The following USP25 variants were observed in gnomAD, a reference collection of about 807,000 sequenced individuals.
The protein encoded by USP25 is ubiquitin carboxyl-terminal hydrolase 25.
Under a neutral mutation model 158.5 loss-of-function variants are expected in USP25, and 85 were observed. That is an observed-to-expected ratio of 0.54 (90% confidence interval 0.45 to 0.64). USP25 has a LOEUF of 0.64. USP25 is among the 30% of genes least tolerant of loss of function. The probability of loss-of-function intolerance (pLI) is 0.00; values close to 1 mark genes in which losing one functional copy is unlikely to be tolerated. For missense variants in USP25, 1,242 were observed against 1,327.3 expected, an observed-to-expected ratio of 0.94 and a Z score of 1.00; for synonymous variants, 464 against 460.4, an observed-to-expected ratio of 1.01 and a Z score of -0.10.
chr21:15,745,779 T>G (rs2032504735), intron 1 of USP25, among the ~76,000 whole-genome samples: 1 of 152,190 alleles, frequency 6.6e-6, no homozygotes. Flanking sequence ...CCCGGCTGCT[T>G]TAACCATTTT....
chr21:15,737,326 A>G (rs940134759), intron 1 of USP25, among the ~76,000 whole-genome samples: 1 of 152,106 alleles, frequency 6.6e-6, no homozygotes, highest in Non-Finnish European at 1.5e-5. Flanking sequence ...TTGGTTCTGA[A>G]GTACACATAA....
chr21:15,768,140 A>G (rs1010939744), intron 3 of USP25, among the ~76,000 whole-genome samples: 20 of 152,182 alleles, frequency 1.3e-4, no homozygotes, highest in African/African-American at 4.8e-4. Context: ...GAAGTTTCTG[A>G]TGTCATCTCA....
chr21:15,807,109 A>G (rs780972000), intron 7 of USP25, among the ~76,000 whole-genome samples: 42 of 152,078 alleles, frequency 2.8e-4, no homozygotes, highest in Middle Eastern at 3.4e-3. Flanking sequence ...TTTTATTTTT[A>G]TAGAGACAGG....
intron 10 of USP25, among the ~76,000 whole-genome samples, chr21:15,819,280 G>A (rs1358741225): frequency 6.6e-6 from 1 of 152,128 alleles, no homozygotes; most frequent in Non-Finnish European, 1.5e-5. Flanking sequence ...GATTGCATAA[G>A]GTCAGATGGA....
chr21:15,774,707 G>T (rs977680756), intron 3 of USP25, among the ~76,000 whole-genome samples: 10 of 152,084 alleles, frequency 6.6e-5, no homozygotes, highest in Non-Finnish European at 1.3e-4. Flanking sequence ...ATAAATCAAG[G>T]TTTGAGGTTT....
At chr21:15,851,876 C>T (rs781633217) in intron 20 of USP25, among the ~76,000 whole-genome samples, 3 of 152,016 alleles carry the variant, frequency 2.0e-5, no homozygotes, top group Non-Finnish European at 1.5e-5. Context: ...CACCATCATT[C>T]TGGGGATTCC....
intron 4 of USP25, among the ~76,000 whole-genome samples, chr21:15,787,352 G>A (rs747926897): frequency 8.6e-5 from 13 of 151,972 alleles, no homozygotes; most frequent in African/African-American, 3.1e-4. Context: ...ACTTCCAAAT[G>A]TACTGCTAGA....
chr21:15,855,868 A>G (rs1248596556), intron 20 of USP25, among the ~76,000 whole-genome samples: 1 of 152,134 alleles, frequency 6.6e-6, no homozygotes, highest in African/African-American at 2.4e-5. Context: ...TTCTAACAAC[A>G]TACGTTAGTT....
chr21:15,821,545 G>A (rs936497750), intron 10 of USP25, among the ~76,000 whole-genome samples: 2 of 151,880 alleles, frequency 1.3e-5, no homozygotes, highest in Non-Finnish European at 2.9e-5. Flanking sequence ...TTTTTACAAA[G>A]CTTTAAAAAC....
intron 1 of USP25, among the ~76,000 whole-genome samples, chr21:15,759,487 A>G (rs943988896): frequency 6.6e-6 from 1 of 152,210 alleles, no homozygotes; most frequent in Admixed American, 6.5e-5. Flanking sequence ...ACATTGGTTC[A>G]ATCTGGAAGG....
intron 6 of USP25, among the ~76,000 whole-genome samples, chr21:15,800,111 T>C (rs927461385): frequency 1.3e-5 from 2 of 151,330 alleles, no homozygotes; most frequent in African/African-American, 4.8e-5. Flanking sequence ...TTCAGTAAAC[T>C]TTATAGGCTA....
At chr21:15,808,475 C>G (rs915451410) in intron 7 of USP25, among the ~76,000 whole-genome samples, 14 of 151,934 alleles carry the variant, frequency 9.2e-5, no homozygotes, top group African/African-American at 3.4e-4. Flanking sequence ...TATAAAGATT[C>G]ATTACAGAGC....
At chr21:15,757,355 T>G (rs1209589412) in intron 1 of USP25, among the ~76,000 whole-genome samples, 1 of 152,226 alleles carries the variant, frequency 6.6e-6, no homozygotes, top group African/African-American at 2.4e-5. Context: ...CCAGTTCTTT[T>G]CATTGTTTCA....
chr21:15,862,335 T>C (rs1472847558), intron 20 of USP25, among the ~76,000 whole-genome samples: 1 of 152,054 alleles, frequency 6.6e-6, no homozygotes, highest in Non-Finnish European at 1.5e-5. Flanking sequence ...TTTTGGATTT[T>C]TGGATTCGGA....
chr21:15,744,542 G>A (rs920773201), intron 1 of USP25, among the ~76,000 whole-genome samples: 1 of 151,682 alleles, frequency 6.6e-6, no homozygotes, highest in Admixed American at 6.6e-5. Flanking sequence ...TTGAACTCCT[G>A]ACCTCAAGTG....
At chr21:15,748,818 T>G (rs372062892) in intron 1 of USP25, among the ~76,000 whole-genome samples, 183 of 152,318 alleles carry the variant, frequency 1.2e-3, no homozygotes, top group African/African-American at 4.2e-3. Flanking sequence ...TTGGCATTTG[T>G]GGCTTCAACT....
At chr21:15,810,980 C>T (rs1352447884) in intron 8 of USP25, among the ~76,000 whole-genome samples, 157 bp from the exon 9 acceptor site, 2 of 152,170 alleles carry the variant, frequency 1.3e-5, no homozygotes, top group Non-Finnish European at 2.9e-5. Flanking sequence ...GAATAAGTAC[C>T]TTGTGCAACG....
chr21:15,759,688 T>C (rs2033611955), intron 1 of USP25, among the ~76,000 whole-genome samples: 1 of 152,122 alleles, frequency 6.6e-6, no homozygotes, highest in Non-Finnish European at 1.5e-5. Context: ...GAGAGTAGAC[T>C]GATAATGTTT....
intron 10 of USP25, among the ~76,000 whole-genome samples, chr21:15,819,977 G>A (rs1568847710): frequency 6.6e-6 from 1 of 152,016 alleles, no homozygotes; most frequent in Non-Finnish European, 1.5e-5. Context: ...TCTCAATAGA[G>A]AATAGCCAGA....
Sources: gnomAD v4.1 joint callset for allele counts (sites outside exome capture counted in the v4.1 genomes callset) on GRCh38, gnomAD v4.1.1 for gene constraint, MANE v1.5 for transcripts, NCBI Gene and HGNC (gene_info 2026-07-23, HGNC 2026-07-21) for gene names.